The following ATP2B1 variants were observed in gnomAD, a reference collection of about 807,000 sequenced individuals.
ATP2B1 encodes plasma membrane calcium-transporting ATPase 1.
ATP2B1 carries 14 observed loss-of-function variants against 124.2 expected under a neutral mutation model. The observed-to-expected ratio is 0.11, with a 90% confidence interval of 0.07 to 0.18. The LOEUF (loss-of-function observed/expected upper bound fraction) is 0.18, where lower values mean the gene tolerates loss of function less well. Among genes scored for constraint, ATP2B1 ranks in the 10% least tolerant of loss-of-function variants. ATP2B1 has a pLI of 1.00. For synonymous variants in ATP2B1, 449 were observed against 492.4 expected, an observed-to-expected ratio of 0.91 and a Z score of 1.17; for missense variants, 763 against 1,466.1, an observed-to-expected ratio of 0.52 and a Z score of 7.83.
Position 89,701,195 on chromosome 12 carries a change from G to A in ATP2B1, c.-222+7401C>T, listed in dbSNP as rs545184151. 3.3e-5 allele frequency among the ~76,000 whole-genome samples: 5 copies of A among 152,252 alleles called. No homozygotes were observed. In the East Asian group the frequency reaches 9.6e-4, roughly 29 times the overall value. The stretch of plus-strand genomic sequence containing the variant: ...TCTAACAGTTTGCTCTCAGTTCATG[G>A]AACGGCAGCAATGATATGATGCTCA... On this transcript the variant is annotated intron_variant, in intron 1 of 20. Coordinates refer to ENST00000428670, the MANE Select transcript of ATP2B1 (RefSeq NM_001366521.1).
intron 1 of ATP2B1, among the ~76,000 whole-genome samples, chr12:89,659,908 C>A (rs1886476163): frequency 9.1e-6 from 1 of 109,836 alleles, no homozygotes; most frequent in Admixed American, 1.2e-4. Flanking sequence ...GGGGACAAAG[C>A]GAGACTCAAA....
At chr12:89,634,028 C>A (rs546192331) in intron 5 of ATP2B1, among the ~76,000 whole-genome samples, 7 of 152,216 alleles carry the variant, frequency 4.6e-5, no homozygotes, top group Non-Finnish European at 1.0e-4. Flanking sequence ...TGGAAGCGAA[C>A]TTGTAATTTT....
At chr12:89,615,340 C>A (rs937660325) in intron 12 of ATP2B1, among the ~76,000 whole-genome samples, 1 of 151,936 alleles carries the variant, frequency 6.6e-6, no homozygotes, top group Non-Finnish European at 1.5e-5. Flanking sequence ...TAATATCATC[C>A]CCCCTGATAT....
At position 89,675,785 on chromosome 12, in the gene ATP2B1, A is replaced by G. The variant is rs80313521; in HGVS notation, c.-221-19678T>C. Reference sequence around the variant, plus strand: ...TTTCTGGATTGCCCCAGACACATTTATAATTCCAGTGATAGGTGTTCTGTT... The same window carrying G: ...TTTCTGGATTGCCCCAGACACATTTGTAATTCCAGTGATAGGTGTTCTGTT... On this transcript the variant is annotated intron_variant, in intron 1 of 20. Transcript: ENST00000428670. Among the ~76,000 whole-genome samples the G allele has an allele frequency of 2.2e-3, 342 of 152,322 alleles. 1 individual carries two copies. Among genetic ancestry groups the G allele is most frequent in the African/African-American group, 7.7e-3 (320 of 41,574 alleles).
intron 1 of ATP2B1, among the ~76,000 whole-genome samples, chr12:89,688,825 T>TCTA (rs1330051755): frequency 2.0e-5 from 3 of 152,062 alleles, no homozygotes; most frequent in African/African-American, 7.2e-5. Flanking sequence ...CTTTTCTAGC[T>TCTA]CTAAAATTCT....
In ATP2B1 at chr12:89,660,134, T is replaced by C. The variant is rs537285520; in HGVS notation, c.-221-4027A>G. 5.3e-5 allele frequency among the ~76,000 whole-genome samples: 8 copies of C among 152,222 alleles called. No homozygotes were observed. The South Asian group carries it at 1.7e-3, about 32-fold the overall frequency. On this transcript the variant is annotated intron_variant, in intron 1 of 20. Coordinates refer to ENST00000428670, the MANE Select transcript of ATP2B1 (RefSeq NM_001366521.1). ...ATATATGCTAATACAACTAAATATA[T>C]TAGATAGAAAAGGACCAATCTAGAA...
At chr12:89,638,632 G>A (rs1048431041) in intron 3 of ATP2B1, among the ~76,000 whole-genome samples, 5 of 151,980 alleles carry the variant, frequency 3.3e-5, no homozygotes, top group African/African-American at 1.2e-4. Context: ...ATTATTGAGG[G>A]AACATTTTTC....
intron 1 of ATP2B1, among the ~76,000 whole-genome samples, chr12:89,660,209 G>A (rs1467422172): frequency 2.0e-5 from 3 of 152,052 alleles, no homozygotes; most frequent in Admixed American, 6.6e-5. Flanking sequence ...TGAATGATTC[G>A]AAATTTTTGT....
At chr12:89,624,121 C>T (rs920110677) in intron 9 of ATP2B1, 62 bp downstream of exon 9, 1 of 1,432,442 alleles carries the variant, frequency 7.0e-7, no homozygotes, top group African/African-American at 1.4e-5. Flanking sequence ...ACTAGATGGG[C>T]ATTTTCTATA....
At chr12:89,646,706 A>G (rs914023277) in intron 2 of ATP2B1, among the ~76,000 whole-genome samples, 1 of 152,232 alleles carries the variant, frequency 6.6e-6, no homozygotes, top group Admixed American at 6.5e-5. Context: ...TCTGATTAGA[A>G]AAGAGCTGAA....
chr12:89,643,185 T>C (rs939808271), intron 2 of ATP2B1, among the ~76,000 whole-genome samples: 2 of 150,822 alleles, frequency 1.3e-5, no homozygotes, highest in East Asian at 1.9e-4. Flanking sequence ...TGTATATGTA[T>C]GTATATATGT....
chr12:89,645,449 T>C (rs1320439234), intron 2 of ATP2B1, among the ~76,000 whole-genome samples: 2 of 152,150 alleles, frequency 1.3e-5, no homozygotes, highest in East Asian at 3.8e-4. Flanking sequence ...TATACTATCC[T>C]GGAGGTAGAC....
rs1873271725 is a variant in ATP2B1 at position 89,590,029 on chromosome 12, T to C, written c.*955A>G. 1 of 152,532 alleles carries C rather than the reference T, an allele frequency of 6.6e-6. No homozygotes were observed. The highest frequency in any genetic ancestry group is 1.5e-5 in the Non-Finnish European group (1 of 67,994). The allele number at this position is 152,532 out of a possible 1,614,324, so 9.4% of individuals were successfully genotyped here. On this transcript the variant is annotated 3_prime_UTR_variant, in exon 21 of 21. Coordinates refer to ENST00000428670, the MANE Select transcript of ATP2B1 (RefSeq NM_001366521.1). Reference sequence around the variant, plus strand: ...AAAACAAAAAAGACTAAGGTTCTCTTGTAGTTTGATAGTCTGATTTAATTT... The same window carrying C: ...AAAACAAAAAAGACTAAGGTTCTCTCGTAGTTTGATAGTCTGATTTAATTT...
chr12:89,654,799 GC>G, intron 2 of ATP2B1, among the ~76,000 whole-genome samples: 1 of 152,006 alleles, frequency 6.6e-6, no homozygotes, highest in South Asian at 2.1e-4. Context: ...TCTAGAATTA[GC>G]TTTGGAATAT....
Position 89,591,164 on chromosome 12 carries a change from A to G in ATP2B1, c.3483T>C (p.Leu1161=), listed in dbSNP as rs1873485812. 1 of 1,613,316 alleles carries G rather than the reference A, an allele frequency of 6.2e-7. No individual in the cohort carries two copies. Among genetic ancestry groups the G allele is most frequent in the African/African-American group, 1.3e-5 (1 of 74,972 alleles). The change falls in exon 21 of 21, where the codon CTT becomes CTC. Residue 1161 remains leucine, a synonymous_variant. Transcript: ENST00000428670. ...CATCTTCGGCATCAGTGTCATCAAT[A>G]AGGGGGATATGAGGCTCTGAATCTT... ...RIEDSEPHIP[L]IDDTDAEDDA... is the part of the protein sequence containing the mutation.
At chr12:89,659,796 G>A (rs1260029111) in intron 1 of ATP2B1, among the ~76,000 whole-genome samples, 1 of 151,824 alleles carries the variant, frequency 6.6e-6, no homozygotes, top group Non-Finnish European at 1.5e-5. Flanking sequence ...GGTGGCAGGC[G>A]CCTGTAGTCC....
In ATP2B1 at chr12:89,655,958, T is replaced by A; in HGVS notation, c.-72A>T. On this transcript the variant is annotated 5_prime_UTR_variant, in exon 2 of 21. Transcript: ENST00000428670. ...ATTTTCACTTGATGTATTTCCAAGA[T>A]GAAAATCTTTTAAGTATGAAAATCT... The A allele has an allele frequency of 7.0e-7, 1 of 1,435,598 alleles. No homozygotes were observed. The highest frequency in any genetic ancestry group is 2.3e-5 in the East Asian group (1 of 43,496). 88.9% of individuals were successfully genotyped at this position (1,435,598 alleles called of 1,614,324 possible). A position where few individuals can be genotyped will look rare whatever the true frequency, so the allele number is the denominator to read the frequency against.
intron 1 of ATP2B1, among the ~76,000 whole-genome samples, chr12:89,685,186 T>C (rs894226104): frequency 1.9e-5 from 2 of 107,390 alleles, no homozygotes; most frequent in African/African-American, 6.7e-5. Flanking sequence ...AGGTGATAAG[T>C]AGTCTGGGAC....
At chr12:89,681,663 T>C (rs1006629435) in intron 1 of ATP2B1, among the ~76,000 whole-genome samples, 9 of 152,268 alleles carry the variant, frequency 5.9e-5, no homozygotes, top group East Asian at 5.8e-4. Flanking sequence ...TTTCTGCAAA[T>C]AGTCTCCAAA....
Sources: gnomAD v4.1 joint callset for allele counts (sites outside exome capture counted in the v4.1 genomes callset) on GRCh38, gnomAD v4.1.1 for gene constraint, MANE v1.5 for transcripts, NCBI Gene and HGNC (gene_info 2026-07-23, HGNC 2026-07-21) for gene names.